The following PARD3 variants were observed in gnomAD, a reference collection of about 807,000 sequenced individuals.
The protein encoded by PARD3 is par-3 family cell polarity regulator.
Under a neutral mutation model 155.4 loss-of-function variants are expected in PARD3, and 75 were observed. The ratio of observed to expected loss-of-function variants is 0.48; its 90% CI spans 0.40 to 0.58. PARD3 has a LOEUF of 0.58. PARD3 is among the 20% of genes least tolerant of loss of function. The pLI is 0.00. For missense variants in PARD3, 1,642 were observed against 1,721.7 expected (o/e 0.95, Z 0.82); for synonymous variants, 576 against 610.5 (o/e 0.94, Z 0.83).
chr10:34,774,169 A>G (rs535530118), intron 1 of PARD3, among the ~76,000 whole-genome samples: 8 of 152,210 alleles, frequency 5.3e-5, no homozygotes, highest in Non-Finnish European at 1.2e-4. Context: ...ACAGCAAAAC[A>G]TACCTGACTT....
intron 22 of PARD3, among the ~76,000 whole-genome samples, chr10:34,263,924 A>T (rs1955159519): frequency 6.6e-6 from 1 of 152,226 alleles, no homozygotes; most frequent in South Asian, 2.1e-4. Flanking sequence ...ACTTAATTTC[A>T]CAAAATATTG....
intron 5 of PARD3, among the ~76,000 whole-genome samples, chr10:34,444,623 C>T (rs2132699189): frequency 6.6e-6 from 1 of 152,254 alleles, no homozygotes; most frequent in African/African-American, 2.4e-5. Flanking sequence ...CTGAAAACCC[C>T]GGCTACTCTT....
chr10:34,209,362 C>T (rs971424420), intron 22 of PARD3, among the ~76,000 whole-genome samples: 1 of 152,072 alleles, frequency 6.6e-6, no homozygotes, highest in Non-Finnish European at 1.5e-5. Context: ...TAAATATTCT[C>T]GACATGAACA....
At chr10:34,368,069 G>A (rs1840157866) in intron 12 of PARD3, among the ~76,000 whole-genome samples, 2 of 152,168 alleles carry the variant, frequency 1.3e-5, no homozygotes, top group Non-Finnish European at 2.9e-5. Context: ...GGCCAACATG[G>A]CGAAACCCCG....
At chr10:34,344,338 T>A in intron 15 of PARD3, 1 of 927,470 alleles carries the variant, frequency 1.1e-6, no homozygotes, top group Non-Finnish European at 1.3e-6. Context: ...GCTGGAGTGC[T>A]GTGGTACGAT....
At chr10:34,378,445 T>C (rs796546700) in intron 9 of PARD3, among the ~76,000 whole-genome samples, 5 of 152,334 alleles carry the variant, frequency 3.3e-5, no homozygotes, top group African/African-American at 1.2e-4. Flanking sequence ...AAAAAACTTC[T>C]GTTAAGACCC....
At chr10:34,346,933 T>A (rs959032804) in intron 15 of PARD3, among the ~76,000 whole-genome samples, 1 of 152,234 alleles carries the variant, frequency 6.6e-6, no homozygotes, top group African/African-American at 2.4e-5. Flanking sequence ...AGTAGAAAGT[T>A]CTTTGAAGGC....
chr10:34,491,936 G>A (rs567071613), intron 3 of PARD3, among the ~76,000 whole-genome samples: 39 of 152,168 alleles, frequency 2.6e-4, no homozygotes, highest in Non-Finnish European at 4.6e-4. Context: ...AAAAAGCATC[G>A]CAGCATTTCC....
At chr10:34,307,037 C>G (rs1957448778) in intron 20 of PARD3, among the ~76,000 whole-genome samples, 1 of 130,614 alleles carries the variant, frequency 7.7e-6, no homozygotes. Context: ...CAGGCACCCG[C>G]CACCACGCCC....
chr10:34,437,579 A>C (rs947130952), intron 5 of PARD3, among the ~76,000 whole-genome samples: 7 of 152,074 alleles, frequency 4.6e-5, no homozygotes, highest in African/African-American at 1.7e-4. Context: ...CATCTCCAAG[A>C]AAAAAAATTT....
Position 34,374,953 on chromosome 10 carries a change from A to G in PARD3, c.1589T>C (p.Leu530Pro), listed in dbSNP as rs758480007. Residue 530 changes from leucine (L) to proline (P), a missense_variant, in exon 11 of 25, where the codon CTG becomes CCG. By Grantham distance (98) the Leu-to-Pro change is moderately conservative. Coordinates refer to ENST00000374788, the MANE Select transcript of PARD3 (RefSeq NM_001184785.2). The stretch of plus-strand genomic sequence containing the variant: ...TCCTTCCATCTTGGTGCTTCTCAAC[A>G]GCGAAACAACTTCCTCTTGGGATTT... ...VGKSQEEVVS[L>P]LRSTKMEGTV... The G allele has an allele frequency of 1.2e-6, 2 of 1,613,860 alleles. No individual in the cohort carries two copies. Among genetic ancestry groups the G allele is most frequent in the South Asian group, 1.1e-5 (1 of 91,072 alleles).
intron 2 of PARD3, among the ~76,000 whole-genome samples, chr10:34,608,533 A>ATT (rs1402627447): frequency 9.8e-5 from 11 of 112,458 alleles, no homozygotes; most frequent in African/African-American, 4.8e-4. Context: ...AAAAAAGAAT[A>ATT]CTTTTTTTTT....
chr10:34,702,033 C>T (rs1590724568), intron 1 of PARD3, among the ~76,000 whole-genome samples: 1 of 151,892 alleles, frequency 6.6e-6, no homozygotes, highest in East Asian at 1.9e-4. Flanking sequence ...GGCATAGTGG[C>T]GGGCACCTGT....
At chr10:34,460,433 C>T (rs935137299) in intron 4 of PARD3, among the ~76,000 whole-genome samples, 3 of 152,166 alleles carry the variant, frequency 2.0e-5, no homozygotes, top group Non-Finnish European at 4.4e-5. Context: ...TATATCACAA[C>T]TTTATCATTT....
chr10:34,617,386 T>A (rs552400730), intron 2 of PARD3, among the ~76,000 whole-genome samples: 1 of 152,078 alleles, frequency 6.6e-6, no homozygotes. Context: ...TACAGCTAGA[T>A]AGGAAGAATT....
chr10:34,793,901 CCT>C (rs1459443941), intron 1 of PARD3, among the ~76,000 whole-genome samples: 1 of 152,160 alleles, frequency 6.6e-6, no homozygotes, highest in East Asian at 1.9e-4. Context: ...CTGTTTATCC[CCT>C]GATACCTTCA....
intron 5 of PARD3, among the ~76,000 whole-genome samples, chr10:34,422,132 A>C (rs1456879173): frequency 2.0e-5 from 3 of 152,148 alleles, no homozygotes; most frequent in Non-Finnish European, 4.4e-5. Flanking sequence ...TGAATAATCC[A>C]CCTTTGTCTA....
chr10:34,371,666 T>C (rs2134634513), intron 12 of PARD3, among the ~76,000 whole-genome samples: 1 of 152,154 alleles, frequency 6.6e-6, no homozygotes, highest in Admixed American at 6.6e-5. Context: ...TAAAAATTTT[T>C]GGAAAGGGAC....
intron 2 of PARD3, among the ~76,000 whole-genome samples, chr10:34,573,054 A>G (rs1304207579): frequency 1.3e-5 from 2 of 152,196 alleles, no homozygotes; most frequent in African/African-American, 4.8e-5. Context: ...TGTACTTAAT[A>G]TCAAGAATTT....
Sources: allele counts gnomAD v4.1 joint callset (sites outside exome capture counted in the v4.1 genomes callset), GRCh38; gene constraint gnomAD v4.1.1; transcripts MANE v1.5; gene names NCBI Gene and HGNC (gene_info 2026-07-23, HGNC 2026-07-21).